Variants in IGF2 observed in about 807,000 individuals in gnomAD.
IGF2 encodes the protein insulin like growth factor 2.
In IGF2, 2 loss-of-function variants were observed where a neutral mutation model predicts 12.0. The ratio of observed to expected loss-of-function variants is 0.17; its 90% confidence interval spans 0.07 to 0.52. The LOEUF is 0.52. IGF2 is among the 20% of genes least tolerant of loss of function. The probability of loss-of-function intolerance (pLI) is 0.95; values close to 1 mark genes in which losing one functional copy is unlikely to be tolerated. For synonymous variants in IGF2, 105 were observed against 110.1 expected (o/e 0.95, Z 0.29); for missense variants, 211 against 268.0 (o/e 0.79, Z 1.48).
Position 2,138,434 on chromosome 11 carries a change from G to T in IGF2, c.-212C>A. 2.4e-6 allele frequency: 2 copies of T among 841,226 alleles called. No homozygotes were observed. Among genetic ancestry groups the T allele is most frequent in the Non-Finnish European group, 1.4e-6 (1 of 702,892 alleles). 52.1% of individuals were successfully genotyped at this position (841,226 alleles called of 1,614,324 possible). A position where few individuals can be genotyped will look rare whatever the true frequency, so the allele number is the denominator to read the frequency against. On this transcript the variant is annotated 5_prime_UTR_variant, in exon 1 of 4. Transcript: ENST00000416167. ...TCTGATTGTCCAGGGAGGACGGGCT[G>T]TCTTCGGGCTGGGGCGGGCCAGATG...
chr11:2,140,491 C>G, upstream of IGF2: 1 of 585,662 alleles, frequency 1.7e-6, no homozygotes, highest in African/African-American at 2.0e-5. Context: ...GCCCGCGCTC[C>G]GCGCGCGCCT....
the IGF2 span, chr11:2,146,618 G>A: frequency 5.9e-5 from 20 of 337,642 alleles, no homozygotes; most frequent in Non-Finnish European, 1.1e-4. Context: ...GGACTGAGGC[G>A]GCGCCACTGT....
At chr11:2,140,255 C>G, upstream of IGF2, 1 of 1,613,178 alleles carries the variant, frequency 6.2e-7, no homozygotes, top group Non-Finnish European at 8.5e-7. Flanking sequence ...CGAGTTCGGT[C>G]TCGGGGGCCA....
At chr11:2,144,721 T>C (rs1859810243), upstream of IGF2, among the ~76,000 whole-genome samples, 3 of 125,806 alleles carry the variant, frequency 2.4e-5, no homozygotes, top group Non-Finnish European at 3.3e-5. Flanking sequence ...CCCTTGGCGT[T>C]GGGCAATGTC....
chr11:2,143,933 G>C (rs1223558048), upstream of IGF2, among the ~76,000 whole-genome samples: 1 of 152,192 alleles, frequency 6.6e-6, no homozygotes, highest in Non-Finnish European at 1.5e-5. Flanking sequence ...GCGCTGCCGG[G>C]GATTCACCTT....
upstream of IGF2, chr11:2,140,253 G>C (rs1253743312): frequency 1.9e-6 from 3 of 1,613,146 alleles, no homozygotes; most frequent in Admixed American, 5.0e-5. Context: ...CGCGAGTTCG[G>C]TCTCGGGGGC....
chr11:2,139,577 G>GT (rs1164354025), upstream of IGF2, among the ~76,000 whole-genome samples: 6 of 1,496 alleles, frequency 4.0e-3, no homozygotes, highest in East Asian at 0.2. Context: ...CTGGGGCCCC[G>GT]GGGGGGGGGC....
upstream of IGF2, among the ~76,000 whole-genome samples, chr11:2,144,424 C>A (rs1859790701): frequency 6.6e-6 from 1 of 152,222 alleles, no homozygotes; most frequent in Admixed American, 6.5e-5. Context: ...GAGCTTTGCG[C>A]GCGCCGTTCG....
chr11:2,137,174 A>G (rs1171955757), intron 1 of IGF2: 1 of 963,834 alleles, frequency 1.0e-6, no homozygotes, highest in Admixed American at 6.1e-5. Context: ...TCCTCACTCC[A>G]CAGCCCTGGT....
the IGF2 span, chr11:2,146,334 G>T: frequency 1.1e-5 from 6 of 535,794 alleles, no homozygotes; most frequent in African/African-American, 1.2e-4. Context: ...TCCTCAGAGC[G>T]CCCCTCCGTC....
rs377316111 is a variant in IGF2, at chr11:2,133,031, C to A, written c.499G>T (p.Ala167Ser). The change falls in exon 4 of 4, where the codon GCC becomes TCC. Residue 167 changes from alanine (A) to serine (S), a missense_variant. Coordinates refer to ENST00000416167, the MANE Select transcript of IGF2 (RefSeq NM_000612.6). This position sits in a 1 kb window ranked among gnomAD's most constrained non-coding sequence, Gnocchi z 8.9. The stretch of plus-strand genomic sequence containing the variant: ...ATCTCTGGGGGGGCGCCCCCGTGGG[C>A]GGGGTCTTGGGTGGGTAGAGCAATC... ...PLIALPTQDP[A>S]HGGAPPEMAS... 7 of 1,563,748 alleles carry A rather than the reference C, an allele frequency of 4.5e-6. No individual in the cohort carries two copies. Among genetic ancestry groups the A allele is most frequent in the Admixed American group, 1.9e-5 (1 of 51,380 alleles).
upstream of IGF2, chr11:2,140,981 C>T (rs1296168894): frequency 2.2e-5 from 6 of 277,560 alleles, no homozygotes; most frequent in Non-Finnish European, 7.1e-6. Context: ...CCTCAGTGTC[C>T]GGGAGCAACG....
At chr11:2,143,404 C>T (rs1424471979), upstream of IGF2, among the ~76,000 whole-genome samples, 4 of 152,090 alleles carry the variant, frequency 2.6e-5, no homozygotes, top group African/African-American at 9.7e-5. Context: ...AAACAGTAAG[C>T]TTAGGAGACC....
chr11:2,130,595 A>C lies in IGF2; in HGVS notation c.*2392T>G. The C allele has an allele frequency of 4.6e-6, 1 of 219,572 alleles. No individual in the cohort carries two copies. The highest frequency in any genetic ancestry group is 9.2e-6 in the Non-Finnish European group (1 of 108,864). The allele number at this position is 219,572 out of a possible 1,614,324, so 13.6% of individuals were successfully genotyped here. A position where few individuals can be genotyped will look rare whatever the true frequency, so the allele number is the denominator to read the frequency against. ...GGAGGGGTAAAAAAAAAACAAAAAA[A>C]AAAAAAAAAGGAAAAATGCCCCAAG... On this transcript the variant is annotated 3_prime_UTR_variant, in exon 4 of 4. Coordinates refer to ENST00000416167, the MANE Select transcript of IGF2 (RefSeq NM_000612.6).
chr11:2,146,266 T>TCCG, the IGF2 span: 10 of 534,104 alleles, frequency 1.9e-5, no homozygotes, highest in African/African-American at 1.9e-5. Context: ...AGCTCACCGC[T>TCCG]CCGCCGTCCG....
At chr11:2,136,745 G>A (rs1474952749) in intron 1 of IGF2, among the ~76,000 whole-genome samples, 1 of 152,224 alleles carries the variant, frequency 6.6e-6, no homozygotes, top group Non-Finnish European at 1.5e-5. Context: ...TCCTTGACTG[G>A]ACCCTGGCCA....
chr11:2,136,998 G>T (rs1859108985), intron 1 of IGF2, among the ~76,000 whole-genome samples: 1 of 152,206 alleles, frequency 6.6e-6, no homozygotes, highest in Admixed American at 6.5e-5. Context: ...GAAAGGGAAG[G>T]AGCAGGTGAG....
chr11:2,140,241 G>C (rs773876826), upstream of IGF2: 2 of 1,613,064 alleles, frequency 1.2e-6, no homozygotes, highest in African/African-American at 2.7e-5. Flanking sequence ...GACTTGCATA[G>C]ACGCGAGTTC....
intron 1 of IGF2, among the ~76,000 whole-genome samples, chr11:2,136,135 T>C (rs530368092): frequency 3.3e-5 from 5 of 152,114 alleles, no homozygotes; most frequent in Non-Finnish European, 7.4e-5. Context: ...ACCTTTCCAG[T>C]CTGCAGCTGA....
Sources: gnomAD v4.1 joint callset for allele counts (sites outside exome capture counted in the v4.1 genomes callset) on GRCh38, gnomAD v4.1.1 for gene constraint, Gnocchi (gnomAD v3.1) non-coding constraint, MANE v1.5 for transcripts, NCBI Gene and HGNC (gene_info 2026-07-23, HGNC 2026-07-21) for gene names.